Variants in SUB1 observed in about 807,000 individuals in gnomAD.
SUB1 encodes the protein SUB1 regulator of transcription.
SUB1 carries 1 observed loss-of-function variant against 16.9 expected under a neutral mutation model. That is an observed-to-expected ratio of 0.06 (90% CI 0.02 to 0.28). SUB1 has a LOEUF of 0.28. Ranked by LOEUF, SUB1 falls within the 10% of genes least tolerant of loss-of-function variation. The pLI is 1.00. For missense variants in SUB1, 84 were observed against 145.2 expected, an observed-to-expected ratio of 0.58 and a Z score of 2.16; for synonymous variants, 51 against 46.9, an observed-to-expected ratio of 1.09 and a Z score of -0.36.
At chr5:32,590,883 C>T (rs1035627268) in intron 2 of SUB1, among the ~76,000 whole-genome samples, 3 of 150,702 alleles carry the variant, frequency 2.0e-5, no homozygotes, top group African/African-American at 7.3e-5. Flanking sequence ...TTCTCTGCCT[C>T]AGCCTCCCTA....
chr5:32,597,582 A>C (rs1375076940), intron 3 of SUB1: 1 of 152,184 alleles, frequency 6.6e-6, no homozygotes, highest in Non-Finnish European at 1.5e-5. Context: ...ATTCAGAAGT[A>C]GGATTGCTGG....
chr5:32,591,485 TAAAAA>T (rs1218559348), intron 2 of SUB1, 73 bp from the exon 3 acceptor site: 70 of 1,465,500 alleles, frequency 4.8e-5, no homozygotes, highest in Non-Finnish European at 5.2e-5. Context: ...GTTTAAATCT[TAAAAA>T]GTAATGGGAT....
chr5:32,592,650 G>A (rs1480237001), intron 3 of SUB1, among the ~76,000 whole-genome samples: 3 of 152,180 alleles, frequency 2.0e-5, no homozygotes, highest in Non-Finnish European at 4.4e-5. Flanking sequence ...TACAGGTTAG[G>A]AAGAATGGAC....
rs749817507 is a variant in SUB1 at position 32,598,948 on chromosome 5, G to C, written c.196-13G>C. 2 of 1,599,678 alleles carry C rather than the reference G, an allele frequency of 1.3e-6. No individual in the cohort carries two copies. Among genetic ancestry groups the C allele is most frequent in the Non-Finnish European group, 1.7e-6 (2 of 1,170,490 alleles). ...GAAAGGAGCACCTCTTTTTATGTTT[G>C]TTTCTTTTGCAGATTGGGAAAATGA... On this transcript the variant is annotated splice_polypyrimidine_tract_variant and intron_variant, in intron 3 of 4. Transcript: ENST00000265073.
In SUB1 at chr5:32,603,827, G is replaced by C. The variant is rs965449120; in HGVS notation, c.*2743G>C. 1 of 151,932 alleles carries C rather than the reference G, an allele frequency of 6.6e-6. No individual in the cohort carries two copies. The highest frequency in any genetic ancestry group is 2.4e-5 in the African/African-American group (1 of 41,368). The allele number at this position is 151,932 out of a possible 1,614,324, so 9.4% of individuals were successfully genotyped here. On this transcript the variant is annotated 3_prime_UTR_variant, in exon 5 of 5. Coordinates refer to ENST00000265073, the MANE Select transcript of SUB1 (RefSeq NM_006713.4). ...AAAAAGTAAAAGTACTTAAATTTAG[G>C]TATCTCTCCTGAAATTCTTTGCAGT...
Position 32,601,002 on chromosome 5 carries a change from T to C in SUB1, c.305-3T>C, listed in dbSNP as rs762045335. On this transcript the variant is annotated splice_region_variant and splice_polypyrimidine_tract_variant and intron_variant, in intron 4 of 4. Coordinates refer to ENST00000265073, the MANE Select transcript of SUB1 (RefSeq NM_006713.4). ...ACCTTTGAATTTTTAAACTTTGTTT[T>C]AGGTATTTCTTTAAATCCAGAACAA... 6.2e-7 allele frequency: 1 copy of C among 1,611,534 alleles called. No homozygotes were observed. Among genetic ancestry groups the C allele is most frequent in the East Asian group, 2.2e-5 (1 of 44,830 alleles).
intron 4 of SUB1, among the ~76,000 whole-genome samples, chr5:32,599,787 C>T (rs1186272125): frequency 5.3e-5 from 8 of 151,836 alleles, no homozygotes; most frequent in East Asian, 3.9e-4. Context: ...TGGTAATTCA[C>T]GTACCAGAGT....
rs1044774292 is a variant in SUB1 at position 32,602,430 on chromosome 5, A to G, written c.*1346A>G. On this transcript the variant is annotated 3_prime_UTR_variant, in exon 5 of 5. Transcript: ENST00000265073. ...AAAAAGGAAAGTTTTAAAGACATAT[A>G]AAAGATTCTTGTTGACAAATTATTT... The G allele has an allele frequency of 4.3e-6, 1 of 232,162 alleles. No individual in the cohort carries two copies. Among genetic ancestry groups the G allele is most frequent in the Admixed American group, 5.3e-5 (1 of 18,966 alleles). 14.4% of individuals were successfully genotyped at this position (232,162 alleles called of 1,614,324 possible). A position where few individuals can be genotyped will look rare whatever the true frequency, so the allele number is the denominator to read the frequency against.
intron 1 of SUB1, among the ~76,000 whole-genome samples, chr5:32,587,794 A>C (rs1344448881): frequency 6.6e-6 from 1 of 151,998 alleles, no homozygotes; most frequent in Non-Finnish European, 1.5e-5. Context: ...TTTTTAGTGG[A>C]GATAGGGTTT....
chr5:32,589,953 A>G lies in SUB1; in HGVS notation c.72+1369A>G, dbSNP rs561760163. Among the ~76,000 whole-genome samples, 22 of 152,250 alleles carry G rather than the reference A, an allele frequency of 1.4e-4. 1 individual carries two copies. The South Asian group carries it at 4.6e-3, about 32-fold the overall frequency. ...TGCAACCTTAAAGTATAAATATAGA[A>G]TATAACAACACATGGAAGGGTAAAA... On this transcript the variant is annotated intron_variant, in intron 2 of 4. Transcript: ENST00000265073.
chr5:32,588,530 A>T lies in SUB1; in HGVS notation c.18A>T (p.Glu6Asp). ...CTTTCAGGATGCCTAAATCAAAGGAACTTGTTTCTTCAAGCTCTTCTGGCA... is the reference window on the plus strand; with the variant it reads ...CTTTCAGGATGCCTAAATCAAAGGATCTTGTTTCTTCAAGCTCTTCTGGCA... The part of the protein sequence containing the change: MPKSK[E>D]LVSSSSSGSD... Residue 6 changes from glutamate (E) to aspartate (D), a missense_variant, in exon 2 of 5, where the codon GAA becomes GAT. This residue lies in a region of SUB1 where 60 missense variants were observed against 64.9 expected (regional missense o/e 0.92). Transcript: ENST00000265073. 1 of 1,612,776 alleles carries T rather than the reference A, an allele frequency of 6.2e-7. No homozygotes were observed. The highest frequency in any genetic ancestry group is 8.5e-7 in the Non-Finnish European group (1 of 1,179,444).
intron 2 of SUB1, among the ~76,000 whole-genome samples, chr5:32,590,760 T>C (rs1211680191): frequency 1.8e-5 from 2 of 111,152 alleles, no homozygotes; most frequent in Non-Finnish European, 3.6e-5. Flanking sequence ...CACGCCTGGC[T>C]AATTTTTTTT....
chr5:32,593,170 C>T lies in SUB1; in HGVS notation c.195+1485C>T, dbSNP rs771409419. ...TGGGACTACAGGCAATGCTCCATGA[C>T]GCCTGGCAAATTTTCTTTGTTGTTG... On this transcript the variant is annotated intron_variant, in intron 3 of 4. Transcript: ENST00000265073. Among the ~76,000 whole-genome samples, 44 of 151,990 alleles carry T rather than the reference C, an allele frequency of 2.9e-4. 1 individual carries two copies. Among genetic ancestry groups the T allele is most frequent in the Non-Finnish European group, 3.5e-4 (24 of 67,994 alleles).
intron 3 of SUB1, among the ~76,000 whole-genome samples, chr5:32,594,224 A>G (rs768674708): frequency 1.3e-5 from 2 of 152,202 alleles, no homozygotes; most frequent in Non-Finnish European, 2.9e-5. Flanking sequence ...AGAGATGCTT[A>G]CTTCCTGGTT....
chr5:32,600,702 C>T (rs1579520006), intron 4 of SUB1, among the ~76,000 whole-genome samples: 1 of 151,638 alleles, frequency 6.6e-6, no homozygotes, highest in African/African-American at 2.4e-5. Context: ...CTCCCAGGTT[C>T]GAGCAATTCT....
Position 32,588,107 on chromosome 5 carries a change from CGTT to C in SUB1, c.-1-403_-1-401del, listed in dbSNP as rs555498490. Among the ~76,000 whole-genome samples, 43 of 152,266 alleles carry C rather than the reference CGTT, an allele frequency of 2.8e-4. 1 individual carries two copies. The East Asian group carries it at 4.4e-3, about 16-fold the overall frequency. On this transcript the variant is annotated intron_variant, in intron 1 of 4. Coordinates refer to ENST00000265073, the MANE Select transcript of SUB1 (RefSeq NM_006713.4). ...AATAATTTTACGTTAGTTCCAATCTCGTTGATGAGAAGTCTAAAGCAGTAATAG... is the reference window on the plus strand; with the variant it reads ...AATAATTTTACGTTAGTTCCAATCTCGATGAGAAGTCTAAAGCAGTAATAG...
intron 4 of SUB1, among the ~76,000 whole-genome samples, chr5:32,600,469 A>G (rs755804885): frequency 5.3e-5 from 8 of 152,226 alleles, no homozygotes; most frequent in African/African-American, 1.4e-4. Context: ...ATTGGTTACA[A>G]TAGGTACTAT....
rs1385565013 is a variant in SUB1 at position 32,602,303 on chromosome 5, G to A, written c.*1219G>A. On this transcript the variant is annotated 3_prime_UTR_variant, in exon 5 of 5. Transcript: ENST00000265073. ...GGGAATTATAACTGAAATTAAAGGA[G>A]GCGGCAGTGAAGAGGAAATAATTCT... 5 of 443,198 alleles carry A rather than the reference G, an allele frequency of 1.1e-5. No individual in the cohort carries two copies. Among genetic ancestry groups the A allele is most frequent in the African/African-American group, 2.0e-5 (1 of 49,434 alleles). The allele number at this position is 443,198 out of a possible 1,614,324, so 27.5% of individuals were successfully genotyped here. A position where few individuals can be genotyped will look rare whatever the true frequency, so the allele number is the denominator to read the frequency against.
chr5:32,591,482 T>C (rs1230692144), intron 2 of SUB1, 81 bp from the exon 3 acceptor site: 1 of 1,459,582 alleles, frequency 6.9e-7, no homozygotes, highest in Non-Finnish European at 9.1e-7. Flanking sequence ...ATTGTTTAAA[T>C]CTTAAAAAGT....
Sources: gnomAD v4.1 joint callset for allele counts (sites outside exome capture counted in the v4.1 genomes callset) on GRCh38, gnomAD v4.1.1 for gene constraint, gnomAD v4.1.1 regional missense constraint, MANE v1.5 for transcripts, NCBI Gene and HGNC (gene_info 2026-07-23, HGNC 2026-07-21) for gene names.